The following PGBD2 variants were observed in gnomAD, a reference collection of about 807,000 sequenced individuals.
PGBD2 encodes the protein piggyBac transposable element-derived protein 2.
A neutral mutation model predicts 8.1 loss-of-function variants in PGBD2; 6 were observed. The ratio of observed to expected loss-of-function variants is 0.74; its 90% CI spans 0.40 to 1.46. PGBD2 has a LOEUF of 1.46. PGBD2 is among the 40% of genes most tolerant of loss of function. The pLI, the probability that PGBD2 is intolerant of heterozygous loss-of-function variation, is 0.02. For missense variants in PGBD2, 802 were observed against 739.0 expected (o/e 1.09, Z -0.99); for synonymous variants, 318 against 272.2 (o/e 1.17, Z -1.66).
At chr1:248,914,637 C>CCT (rs1572277960) in intron 2 of PGBD2, 6 of 1,272,336 alleles carry the variant, frequency 4.7e-6, no homozygotes, top group Non-Finnish European at 6.2e-6. Context: ...GAGGTTGGGG[C>CCT]CTGCAAAGGG....
At chr1:248,901,155 G>A in the PGBD2 span, among the ~76,000 whole-genome samples, 2 of 152,116 alleles carry the variant, frequency 1.3e-5, no homozygotes, top group African/African-American at 2.4e-5. Context: ...TTGTGAAAAT[G>A]GCCATATTGC....
At chr1:248,929,172 T>A in the PGBD2 span, among the ~76,000 whole-genome samples, 2 of 152,356 alleles carry the variant, frequency 1.3e-5, no homozygotes, top group Admixed American at 1.3e-4. Flanking sequence ...TATTGCCCAA[T>A]TAATTGTAGC....
chr1:248,873,392 G>A, the PGBD2 span, among the ~76,000 whole-genome samples: 1 of 152,218 alleles, frequency 6.6e-6, no homozygotes, highest in African/African-American at 2.4e-5. Flanking sequence ...GGACCTTGAG[G>A]GGAGGGTACG....
At chr1:248,879,862 T>A in the PGBD2 span, among the ~76,000 whole-genome samples, 1 of 152,226 alleles carries the variant, frequency 6.6e-6, no homozygotes, top group Non-Finnish European at 1.5e-5. Flanking sequence ...TTGTTGTGAC[T>A]GCTCATGAAT....
chr1:248,881,815 G>A, the PGBD2 span, among the ~76,000 whole-genome samples: 1 of 152,164 alleles, frequency 6.6e-6, no homozygotes, highest in Admixed American at 6.5e-5. Flanking sequence ...ACTGTTTGGT[G>A]CATGTAACCT....
At chr1:248,927,467 C>A in the PGBD2 span, among the ~76,000 whole-genome samples, 1 of 152,194 alleles carries the variant, frequency 6.6e-6, no homozygotes, top group African/African-American at 2.4e-5. Context: ...AAACAAGAGT[C>A]AGCAAATATT....
chr1:248,920,307 C>T (rs1225341560), downstream of PGBD2, among the ~76,000 whole-genome samples: 2 of 151,832 alleles, frequency 1.3e-5, no homozygotes, highest in African/African-American at 4.8e-5. Flanking sequence ...TAGCCCCCCA[C>T]CCCCTGACAG....
At chr1:248,881,465 T>C in the PGBD2 span, among the ~76,000 whole-genome samples, 1,261 of 152,302 alleles carry the variant, frequency 8.3e-3, 22 homozygotes, top group African/African-American at 0.029. Context: ...TTTGAATTGG[T>C]ATTGTTTACC....
chr1:248,895,147 A>G, the PGBD2 span, among the ~76,000 whole-genome samples: 1 of 152,282 alleles, frequency 6.6e-6, no homozygotes, highest in East Asian at 1.9e-4. Flanking sequence ...CCAGCCAGTC[A>G]TTGAACCTGA....
At chr1:248,893,202 C>T in the PGBD2 span, among the ~76,000 whole-genome samples, 6 of 152,176 alleles carry the variant, frequency 3.9e-5, no homozygotes, top group Non-Finnish European at 8.8e-5. Flanking sequence ...CAGAAGTTTC[C>T]TTTTATCCCT....
chr1:248,911,665 G>A (rs370233639), intron 1 of PGBD2, among the ~76,000 whole-genome samples: 4,660 of 143,984 alleles, frequency 0.032, 41 homozygotes, highest in African/African-American at 0.1. Context: ...TGGCCGGGCA[G>A]AGGGGCTCCT....
chr1:248,875,308 C>CAAA, the PGBD2 span, among the ~76,000 whole-genome samples: 120 of 110,166 alleles, frequency 1.1e-3, no homozygotes, highest in East Asian at 2.3e-3. Context: ...AAAAACAAAA[C>CAAA]AAAAAAAAAA....
chr1:248,874,314 A>G, the PGBD2 span, among the ~76,000 whole-genome samples: 3 of 152,184 alleles, frequency 2.0e-5, no homozygotes, highest in Non-Finnish European at 4.4e-5. Context: ...ATTCCCGGTC[A>G]GGAAAGTAAG....
chr1:248,909,064 C>G (rs557021464), intron 1 of PGBD2, among the ~76,000 whole-genome samples: 1 of 152,240 alleles, frequency 6.6e-6, no homozygotes, highest in Non-Finnish European at 1.5e-5. Context: ...GTTTGCCAAA[C>G]GAATGAAAAA....
chr1:248,906,914 G>T (rs1018457786), intron 1 of PGBD2, among the ~76,000 whole-genome samples: 1 of 152,174 alleles, frequency 6.6e-6, no homozygotes, highest in Non-Finnish European at 1.5e-5. Context: ...GAGCTGTTGG[G>T]TGAAGGGGTG....
the PGBD2 span, among the ~76,000 whole-genome samples, chr1:248,880,743 C>T: frequency 6.6e-6 from 1 of 152,118 alleles, no homozygotes; most frequent in Non-Finnish European, 1.5e-5. Context: ...TTTTTGTCAG[C>T]TTAAGGGCTT....
the PGBD2 span, among the ~76,000 whole-genome samples, chr1:248,892,154 A>G: frequency 6.6e-6 from 1 of 152,174 alleles, no homozygotes; most frequent in Non-Finnish European, 1.5e-5. Context: ...AAGCATGGGG[A>G]AGTTTAACAG....
the PGBD2 span, among the ~76,000 whole-genome samples, chr1:248,886,618 TG>T: frequency 6.6e-5 from 10 of 152,368 alleles, no homozygotes; most frequent in Admixed American, 4.6e-4. Context: ...GAGTTTAAAC[TG>T]CCCAGCTGCC....
At chr1:248,922,145 C>T (rs534398154), downstream of PGBD2, among the ~76,000 whole-genome samples, 24 of 151,518 alleles carry the variant, frequency 1.6e-4, no homozygotes, top group African/African-American at 3.4e-4. Flanking sequence ...CTGCAAGGTC[C>T]GCCTCCCGGG....
Sources: allele counts gnomAD v4.1 joint callset (sites outside exome capture counted in the v4.1 genomes callset), GRCh38; gene constraint gnomAD v4.1.1; transcripts MANE v1.5; gene names NCBI Gene and HGNC (gene_info 2026-07-23, HGNC 2026-07-21).